MDGA2: variants seen among roughly 807,000 people sequenced by gnomAD.
MDGA2 encodes MAM domain-containing glycosylphosphatidylinositol anchor protein 2.
In MDGA2, 40 loss-of-function variants were observed where a neutral mutation model predicts 117.8. The observed-to-expected ratio is 0.34, with a 90% CI of 0.26 to 0.44. MDGA2 has a LOEUF of 0.44. Ranked by LOEUF, MDGA2 falls within the 20% of genes least tolerant of loss-of-function variation. The probability of loss-of-function intolerance (pLI) is 1.00; values close to 1 mark genes in which losing one functional copy is unlikely to be tolerated. For synonymous variants in MDGA2, 452 were observed against 439.0 expected (o/e 1.03, Z -0.37); for missense variants, 1,123 against 1,250.6 (o/e 0.90, Z 1.54).
intron 1 of MDGA2, among the ~76,000 whole-genome samples, chr14:47,570,579 A>G (rs1000771769): frequency 6.6e-6 from 1 of 152,068 alleles, no homozygotes; most frequent in Non-Finnish European, 1.5e-5. Flanking sequence ...TCTTAAAAAT[A>G]TACAGCCCCA....
At chr14:47,166,491 T>C (rs1883883251) in intron 3 of MDGA2, among the ~76,000 whole-genome samples, 1 of 152,224 alleles carries the variant, frequency 6.6e-6, no homozygotes, top group Non-Finnish European at 1.5e-5. Flanking sequence ...CATAATTGCA[T>C]TTCTTTCTTT....
chr14:47,321,997 C>T (rs555430128), intron 1 of MDGA2, among the ~76,000 whole-genome samples: 1 of 152,226 alleles, frequency 6.6e-6, no homozygotes, highest in African/African-American at 2.4e-5. Flanking sequence ...GTTTATTTGT[C>T]ATTAAAATGC....
intron 1 of MDGA2, among the ~76,000 whole-genome samples, chr14:47,471,283 G>A (rs1181957619): frequency 2.0e-5 from 3 of 148,938 alleles, no homozygotes; most frequent in Non-Finnish European, 4.4e-5. Flanking sequence ...GACTCTGGAT[G>A]TTGTCACCTT....
At chr14:47,531,640 C>T (rs914897670) in intron 1 of MDGA2, among the ~76,000 whole-genome samples, 1 of 151,810 alleles carries the variant, frequency 6.6e-6, no homozygotes, top group African/African-American at 2.4e-5. Flanking sequence ...TGTTGTCATT[C>T]TATAGCACTA....
chr14:47,068,346 A>G (rs775858098), intron 6 of MDGA2, among the ~76,000 whole-genome samples: 6 of 151,272 alleles, frequency 4.0e-5, no homozygotes, highest in Non-Finnish European at 8.8e-5. Context: ...AACTAAAATA[A>G]TAACATAATT....
At chr14:47,201,740 A>G (rs1885515265) in intron 3 of MDGA2, among the ~76,000 whole-genome samples, 1 of 152,144 alleles carries the variant, frequency 6.6e-6, no homozygotes, top group Non-Finnish European at 1.5e-5. Flanking sequence ...CTACCTTTGT[A>G]TTACAAAGAC....
intron 5 of MDGA2, among the ~76,000 whole-genome samples, chr14:47,100,835 C>T (rs1880262715): frequency 6.6e-6 from 1 of 152,108 alleles, no homozygotes; most frequent in Non-Finnish European, 1.5e-5. Flanking sequence ...GCTCCAATTA[C>T]ATTAAAATAA....
At chr14:47,610,891 C>T (rs1402998673) in intron 1 of MDGA2, among the ~76,000 whole-genome samples, 2 of 151,854 alleles carry the variant, frequency 1.3e-5, no homozygotes, top group African/African-American at 2.4e-5. Flanking sequence ...AAAAAGAGCC[C>T]GCATAGCCAA....
intron 2 of MDGA2, among the ~76,000 whole-genome samples, chr14:47,289,763 T>C (rs1350926902): frequency 3.3e-5 from 5 of 152,180 alleles, no homozygotes; most frequent in Admixed American, 6.6e-5. Flanking sequence ...TCAACTCTTG[T>C]AGTAAAACAA....
chr14:47,294,245 G>A (rs1022111696), intron 2 of MDGA2, among the ~76,000 whole-genome samples: 2 of 150,798 alleles, frequency 1.3e-5, no homozygotes, highest in African/African-American at 4.9e-5. Context: ...ACAGGCAAAT[G>A]TCACCACACC....
chr14:47,308,469 T>A (rs564218473), intron 1 of MDGA2, among the ~76,000 whole-genome samples: 12 of 150,958 alleles, frequency 7.9e-5, no homozygotes, highest in Non-Finnish European at 1.3e-4. Context: ...AAGGCCACTT[T>A]CTTTCTTTTC....
At chr14:47,144,909 C>T (rs1302164330) in intron 3 of MDGA2, among the ~76,000 whole-genome samples, 1 of 151,366 alleles carries the variant, frequency 6.6e-6, no homozygotes, top group Non-Finnish European at 1.5e-5. Context: ...CTCAGTCTCC[C>T]AAAGTGTTAG....
At chr14:47,193,136 G>A (rs1885173571) in intron 3 of MDGA2, among the ~76,000 whole-genome samples, 1 of 152,112 alleles carries the variant, frequency 6.6e-6, no homozygotes, top group Non-Finnish European at 1.5e-5. Flanking sequence ...AACTTTCTCA[G>A]TCCTCTCGAA....
chr14:47,319,499 C>A (rs1011750995), intron 1 of MDGA2, among the ~76,000 whole-genome samples: 21 of 152,128 alleles, frequency 1.4e-4, no homozygotes, highest in African/African-American at 5.1e-4. Flanking sequence ...CCATTTTCAG[C>A]TAACACATGC....
intron 1 of MDGA2, among the ~76,000 whole-genome samples, chr14:47,448,136 T>TTTA (rs1421823069): frequency 1.0e-4 from 15 of 144,934 alleles, no homozygotes; most frequent in Admixed American, 2.0e-4. Flanking sequence ...TATTTATTTA[T>TTTA]TTTATTTTAT....
At chr14:47,256,471 G>A (rs1312733725) in intron 2 of MDGA2, among the ~76,000 whole-genome samples, 5 of 151,844 alleles carry the variant, frequency 3.3e-5, no homozygotes, top group Admixed American at 2.6e-4. Flanking sequence ...CATTTCTCTG[G>A]TCCTCCTTAC....
intron 8 of MDGA2, among the ~76,000 whole-genome samples, chr14:46,966,426 G>C (rs559604742): frequency 6.6e-6 from 1 of 152,284 alleles, no homozygotes; most frequent in Non-Finnish European, 1.5e-5. Context: ...AATTAAAATA[G>C]AGGTTGACCT....
At chr14:47,611,492 A>T (rs759576409) in intron 1 of MDGA2, among the ~76,000 whole-genome samples, 2 of 151,960 alleles carry the variant, frequency 1.3e-5, no homozygotes, top group African/African-American at 2.4e-5. Context: ...AATCGACAAC[A>T]AACTCAAAAA....
intron 1 of MDGA2, among the ~76,000 whole-genome samples, chr14:47,562,731 T>G (rs1895840510): frequency 6.6e-6 from 1 of 152,196 alleles, no homozygotes; most frequent in African/African-American, 2.4e-5. Flanking sequence ...TTTCCTTCAG[T>G]TCAACTTTGA....
Sources: allele counts gnomAD v4.1 joint callset (sites outside exome capture counted in the v4.1 genomes callset), GRCh38; gene constraint gnomAD v4.1.1; transcripts MANE v1.5; gene names NCBI Gene and HGNC (gene_info 2026-07-23, HGNC 2026-07-21).